Variants in EIF4G3 observed in about 807,000 individuals in gnomAD.
EIF4G3 encodes the protein eukaryotic translation initiation factor 4 gamma 3.
In EIF4G3, 34 loss-of-function variants were observed where a neutral mutation model predicts 186.4. The observed-to-expected ratio is 0.18, with a 90% confidence interval of 0.14 to 0.24. The LOEUF is 0.24. Ranked by LOEUF, EIF4G3 falls within the 10% of genes least tolerant of loss-of-function variation. The pLI is 1.00. For missense variants in EIF4G3, 1,536 were observed against 1,948.5 expected (o/e 0.79, Z 3.99); for synonymous variants, 673 against 679.5 (o/e 0.99, Z 0.15).
At chr1:20,822,787 G>T (rs534665900) in intron 33 of EIF4G3, among the ~76,000 whole-genome samples, 1 of 151,816 alleles carries the variant, frequency 6.6e-6, no homozygotes, top group African/African-American at 2.4e-5. Context: ...TCTAAATATC[G>T]ATGATATGTT....
chr1:20,928,702 CTTT>C (rs751469498), intron 14 of EIF4G3, among the ~76,000 whole-genome samples: 1 of 151,836 alleles, frequency 6.6e-6, no homozygotes, highest in Non-Finnish European at 1.5e-5. Context: ...CCAGGCCCCT[CTTT>C]TTAAAATATA....
intron 4 of EIF4G3, among the ~76,000 whole-genome samples, chr1:21,008,983 G>A (rs536728595): frequency 2.0e-5 from 3 of 152,288 alleles, no homozygotes; most frequent in African/African-American, 4.8e-5. Flanking sequence ...AAATTGTAAA[G>A]GGGCTAGATG....
At chr1:20,876,189 C>T (rs2154553651) in intron 20 of EIF4G3, among the ~76,000 whole-genome samples, 1 of 135,016 alleles carries the variant, frequency 7.4e-6, no homozygotes, top group South Asian at 2.5e-4. Flanking sequence ...CACCACTGTA[C>T]TCCAGCCTGG....
intron 3 of EIF4G3, chr1:21,073,737 G>A (rs2095508374): frequency 1.2e-5 from 6 of 483,628 alleles, no homozygotes; most frequent in South Asian, 9.2e-5. Flanking sequence ...TGTATTGTAG[G>A]GAAGTCTATG....
intron 7 of EIF4G3, among the ~76,000 whole-genome samples, chr1:20,996,259 C>A (rs2082271104): frequency 1.3e-5 from 2 of 152,100 alleles, no homozygotes; most frequent in Non-Finnish European, 2.9e-5. Context: ...AGGTGGAGAG[C>A]AGTAAATGAT....
In EIF4G3 at chr1:20,941,880, G is replaced by A. The variant is rs745989506; in HGVS notation, c.1274C>T (p.Thr425Met). Residue 425 changes from threonine (T) to methionine (M), a missense_variant, in exon 14 of 37, where the codon ACG (threonine) becomes ATG (methionine). By Grantham distance (81) the Thr-to-Met change is moderately conservative. This residue lies in a region of EIF4G3 where 560 missense variants were observed against 547.8 expected (regional missense o/e 1.02). Coordinates refer to ENST00000602326, the MANE Select transcript of EIF4G3 (RefSeq NM_001391906.1). ...INGVSEKLSA[T>M]ESIVEIVKQE... ...TTTTACTATTTCCACAATGCTCTCC[G>A]TGGCTGATAATTTTTCGCTAACTCC... The A allele has an allele frequency of 5.0e-6, 8 of 1,614,016 alleles. No individual in the cohort carries two copies. The highest frequency in any genetic ancestry group is 1.3e-5 in the African/African-American group (1 of 74,898).
intron 12 of EIF4G3, among the ~76,000 whole-genome samples, chr1:20,968,731 A>G (rs1038446733): frequency 1.3e-5 from 2 of 152,230 alleles, no homozygotes; most frequent in Non-Finnish European, 2.9e-5. Flanking sequence ...TAAAAACACA[A>G]TAGAAATTTT....
intron 12 of EIF4G3, 85 bp downstream of exon 12, chr1:20,969,389 A>G: frequency 2.7e-6 from 4 of 1,504,274 alleles, no homozygotes; most frequent in Non-Finnish European, 3.6e-6. Context: ...AATGAAAAGT[A>G]CAGAAAGTGG....
chr1:20,892,387 C>T (rs2086390472), intron 18 of EIF4G3, among the ~76,000 whole-genome samples: 1 of 152,226 alleles, frequency 6.6e-6, no homozygotes, highest in South Asian at 2.1e-4. Flanking sequence ...CCTGCCGAAT[C>T]CTGCACAGTG....
intron 12 of EIF4G3, 139 bp from the exon 13 acceptor site, chr1:20,950,250 T>G: frequency 2.0e-6 from 1 of 506,390 alleles, no homozygotes; most frequent in East Asian, 3.6e-5. Flanking sequence ...AAAAAATATA[T>G]AGTCCAATTT....
intron 16 of EIF4G3, among the ~76,000 whole-genome samples, 194 bp downstream of exon 16, chr1:20,899,503 G>A (rs372195080): frequency 3.9e-5 from 6 of 152,278 alleles, no homozygotes; most frequent in Admixed American, 1.3e-4. Context: ...TACCAGTGTC[G>A]GGTATCATTT....
chr1:21,075,937 G>T (rs987614546), intron 3 of EIF4G3, among the ~76,000 whole-genome samples: 13 of 152,068 alleles, frequency 8.5e-5, no homozygotes, highest in Admixed American at 2.0e-4. Flanking sequence ...TTGGACAGAT[G>T]ATCTAGAAAG....
chr1:20,876,584 T>C (rs1040594116), intron 20 of EIF4G3, among the ~76,000 whole-genome samples: 2 of 152,186 alleles, frequency 1.3e-5, no homozygotes, highest in East Asian at 3.9e-4. Context: ...ATCAAAACCA[T>C]TCACAGTGAC....
chr1:20,923,832 T>C (rs1192611961), intron 14 of EIF4G3, among the ~76,000 whole-genome samples: 1 of 150,658 alleles, frequency 6.6e-6, no homozygotes, highest in Non-Finnish European at 1.5e-5. Flanking sequence ...TATATATATA[T>C]ATTTATCTGT....
chr1:20,903,728 TA>T (rs1429641606), intron 15 of EIF4G3, among the ~76,000 whole-genome samples: 6 of 152,090 alleles, frequency 3.9e-5, no homozygotes, highest in African/African-American at 1.4e-4. Flanking sequence ...ACAGGGGAGG[TA>T]ACCAAGGGGT....
intron 10 of EIF4G3, among the ~76,000 whole-genome samples, chr1:20,978,873 G>A (rs1031297448): frequency 6.6e-6 from 1 of 151,440 alleles, no homozygotes; most frequent in East Asian, 1.9e-4. Context: ...GTAAAGCCAC[G>A]TAACATTTGG....
At chr1:21,103,097 C>T (rs2096555551) in intron 2 of EIF4G3, among the ~76,000 whole-genome samples, 1 of 152,188 alleles carries the variant, frequency 6.6e-6, no homozygotes, top group Non-Finnish European at 1.5e-5. Context: ...TACAATGTCT[C>T]ACTAAAGCTC....
Position 20,932,964 on chromosome 1 carries a change from C to T in EIF4G3, c.1663+8527G>A, listed in dbSNP as rs1477793757. 3.3e-5 allele frequency among the ~76,000 whole-genome samples: 5 copies of T among 152,010 alleles called. No individual in the cohort carries two copies. In the East Asian group the frequency reaches 5.8e-4, roughly 18 times the overall value. ...GAAGTGCAATAAAATGAGGTATGCCCGTATACTCAGAAGACTCCTACTATA... is the reference window on the plus strand; with the variant it reads ...GAAGTGCAATAAAATGAGGTATGCCTGTATACTCAGAAGACTCCTACTATA... On this transcript the variant is annotated intron_variant, in intron 14 of 36. Transcript: ENST00000602326.
intron 2 of EIF4G3, among the ~76,000 whole-genome samples, chr1:21,091,163 G>T (rs2096183711): frequency 6.6e-6 from 1 of 151,376 alleles, no homozygotes. Flanking sequence ...TTTATTTTTT[G>T]AGACAGAGTC....
Sources: allele counts gnomAD v4.1 joint callset (sites outside exome capture counted in the v4.1 genomes callset), GRCh38; gene constraint gnomAD v4.1.1; regional missense constraint gnomAD v4.1.1; transcripts MANE v1.5; gene names NCBI Gene and HGNC (gene_info 2026-07-23, HGNC 2026-07-21).